Variants in PJA2 observed in about 807,000 individuals in gnomAD.
The protein encoded by PJA2 is praja ring finger ubiquitin ligase 2, also known as E3 ubiquitin-protein ligase Praja-2.
PJA2 carries 25 observed loss-of-function variants against 69.3 expected under a neutral mutation model. That is an observed-to-expected ratio of 0.36 (90% CI 0.26 to 0.50). The LOEUF (loss-of-function observed/expected upper bound fraction) is 0.50, where lower values mean the gene tolerates loss of function less well. Among genes scored for constraint, PJA2 ranks in the 20% least tolerant of loss-of-function variants. The pLI is 0.96. For synonymous variants in PJA2, 308 were observed against 277.8 expected (o/e 1.11, Z -1.08); for missense variants, 809 against 830.2 (o/e 0.97, Z 0.31).
At chr5:109,359,899 T>C (rs1443877204) in intron 6 of PJA2, among the ~76,000 whole-genome samples, 1 of 152,138 alleles carries the variant, frequency 6.6e-6, no homozygotes, top group African/African-American at 2.4e-5. Context: ...CGGAAATTCA[T>C]TCTAGAATAA....
At chr5:109,396,727 C>T (rs1747421904) in intron 1 of PJA2, among the ~76,000 whole-genome samples, 1 of 112,204 alleles carries the variant, frequency 8.9e-6, no homozygotes, top group African/African-American at 3.5e-5. Context: ...CCCGGCCTAA[C>T]ATGTAAAGTT....
At chr5:109,408,579 G>A (rs893104168) in intron 1 of PJA2, among the ~76,000 whole-genome samples, 7 of 152,096 alleles carry the variant, frequency 4.6e-5, no homozygotes, top group African/African-American at 1.7e-4. Flanking sequence ...GTCTAGAAGT[G>A]CATTTGCAAG....
In PJA2 at chr5:109,336,137, C is replaced by T. The variant is rs33729; in HGVS notation, c.*1094G>A. On this transcript the variant is annotated 3_prime_UTR_variant, in exon 10 of 10. Transcript: ENST00000361189. The stretch of plus-strand genomic sequence containing the variant: ...CTAAATTATCAATGTACCAGTTAGA[C>T]GGACATACACTCACTATGTGCTTTA... 0.57 allele frequency: 86,066 copies of T among 152,314 alleles called. 27,602 individuals carry two copies. Among genetic ancestry groups the T allele is most frequent in the East Asian group, 0.95 (4,929 of 5,182 alleles). The allele number at this position is 152,314 out of a possible 1,614,324, so 9.4% of individuals were successfully genotyped here. A position where few individuals can be genotyped will look rare whatever the true frequency, so the allele number is the denominator to read the frequency against.
At chr5:109,383,285 C>CAATACTA in intron 2 of PJA2, 118 bp downstream of exon 2, 1 of 802,498 alleles carries the variant, frequency 1.2e-6, no homozygotes, top group Non-Finnish European at 2.0e-6. Context: ...ATATATGGAT[C>CAATACTA]AAAACCAGCC....
chr5:109,358,098 A>G (rs1762444893), intron 6 of PJA2, among the ~76,000 whole-genome samples: 1 of 152,216 alleles, frequency 6.6e-6, no homozygotes, highest in Non-Finnish European at 1.5e-5. Flanking sequence ...AACTGGCCAT[A>G]AACAAAATCT....
intron 4 of PJA2, 40 bp from the exon 5 acceptor site, chr5:109,368,786 A>G (rs750211088): frequency 1.3e-6 from 2 of 1,559,146 alleles, no homozygotes; most frequent in Non-Finnish European, 1.7e-6. Flanking sequence ...TAATGTGTTC[A>G]GTTATTTTTA....
chr5:109,349,975 T>C (rs1428931), intron 7 of PJA2, among the ~76,000 whole-genome samples: 34,865 of 151,972 alleles, frequency 0.23, 5,555 homozygotes, highest in African/African-American at 0.45. Flanking sequence ...CTACTCAAGA[T>C]AGAACCTGCT....
chr5:109,376,367 G>C (rs3828603), intron 4 of PJA2, among the ~76,000 whole-genome samples: 115,360 of 151,374 alleles, frequency 0.76, 44,877 homozygotes, highest in African/African-American at 0.89. Context: ...TTATAACTAT[G>C]AAAAGTCCAG....
rs552494861 is a variant in PJA2 at position 109,362,848 on chromosome 5, C to T, written c.1644G>A (p.Val548=). The T allele has an allele frequency of 5.5e-5, 88 of 1,602,338 alleles. 1 individual carries two copies. The East Asian group carries it at 2.0e-3, about 36-fold the overall frequency. Reference sequence around the variant, plus strand: ...AAAATCGTGCTACATACCTCCAATCCACATCTAAGTCTTCACTCACACTGG... The same window carrying T: ...AAAATCGTGCTACATACCTCCAATCTACATCTAAGTCTTCACTCACACTGG... The part of the protein sequence containing the change: ...DDSSVSEDLD[V]DWSLFDGFAD... The change falls in exon 6 of 10, where the codon GTG becomes GTA. Residue 548 remains valine, a synonymous_variant. Coordinates refer to ENST00000361189, the MANE Select transcript of PJA2 (RefSeq NM_014819.5).
intron 1 of PJA2, among the ~76,000 whole-genome samples, chr5:109,402,123 A>G (rs1012928008): frequency 2.0e-5 from 3 of 152,194 alleles, no homozygotes; most frequent in African/African-American, 7.2e-5. Context: ...AGTTGAGTGT[A>G]AGTAGTGAGC....
chr5:109,367,143 A>T (rs10073777), intron 5 of PJA2, among the ~76,000 whole-genome samples: 11,660 of 143,074 alleles, frequency 0.081, 564 homozygotes, highest in Middle Eastern at 0.17. Flanking sequence ...CAAAAAAAAA[A>T]ATATATATAT....
At chr5:109,405,114 T>A (rs1055960340) in intron 1 of PJA2, among the ~76,000 whole-genome samples, 1 of 152,240 alleles carries the variant, frequency 6.6e-6, no homozygotes, top group East Asian at 1.9e-4. Flanking sequence ...AAGGTCCATA[T>A]GCAAAAACCA....
intron 3 of PJA2, among the ~76,000 whole-genome samples, chr5:109,379,684 C>T (rs1172409505): frequency 6.6e-6 from 1 of 152,158 alleles, no homozygotes; most frequent in Non-Finnish European, 1.5e-5. Flanking sequence ...TTCAAAAGTA[C>T]TTATGACAGA....
At chr5:109,338,469 G>A (rs552026302) in intron 9 of PJA2, among the ~76,000 whole-genome samples, 122 of 151,862 alleles carry the variant, frequency 8.0e-4, no homozygotes, top group African/African-American at 2.9e-3. Context: ...GTGAAACCCC[G>A]TCTGTACTAA....
intron 1 of PJA2, among the ~76,000 whole-genome samples, chr5:109,391,875 C>A (rs1304295526): frequency 1.3e-5 from 2 of 152,054 alleles, no homozygotes; most frequent in Non-Finnish European, 2.9e-5. Context: ...TTTACAAGAG[C>A]AACTATAAAC....
At chr5:109,351,251 A>G (rs1363977605) in intron 7 of PJA2, among the ~76,000 whole-genome samples, 2 of 151,748 alleles carry the variant, frequency 1.3e-5, no homozygotes, top group Non-Finnish European at 3.0e-5. Context: ...ATTTAGGTGA[A>G]CAACGTTTTT....
intron 9 of PJA2, 68 bp downstream of exon 9, chr5:109,344,122 A>G: frequency 1.5e-6 from 1 of 658,772 alleles, no homozygotes; most frequent in Non-Finnish European, 2.3e-6. Flanking sequence ...AAAAAAAAAG[A>G]TACTATTATT....
intron 1 of PJA2, among the ~76,000 whole-genome samples, chr5:109,404,666 A>G (rs1747640756): frequency 6.6e-6 from 1 of 152,150 alleles, no homozygotes; most frequent in Non-Finnish European, 1.5e-5. Context: ...CTCATACGGC[A>G]TAAGGGGATA....
At chr5:109,375,511 A>G (rs1182908606) in intron 4 of PJA2, among the ~76,000 whole-genome samples, 1 of 152,172 alleles carries the variant, frequency 6.6e-6, no homozygotes, top group African/African-American at 2.4e-5. Flanking sequence ...CTGTCTCGAA[A>G]TAAATAAATA....
Sources: gnomAD v4.1 joint callset for allele counts (sites outside exome capture counted in the v4.1 genomes callset) on GRCh38, gnomAD v4.1.1 for gene constraint, MANE v1.5 for transcripts, NCBI Gene and HGNC (gene_info 2026-07-23, HGNC 2026-07-21) for gene names.